UBE2L3: variants seen among roughly 807,000 people sequenced by gnomAD.
UBE2L3 encodes the protein ubiquitin conjugating enzyme E2 L3.
In UBE2L3, 1 loss-of-function variant was observed where a neutral mutation model predicts 17.8. The ratio of observed to expected loss-of-function variants is 0.06; its 90% confidence interval spans 0.02 to 0.27. The LOEUF (loss-of-function observed/expected upper bound fraction) is 0.27. Ranked by LOEUF, UBE2L3 falls within the 10% of genes least tolerant of loss-of-function variation. The pLI is 1.00. For synonymous variants in UBE2L3, 44 were observed against 68.5 expected (o/e 0.64, Z 1.76); for missense variants, 40 against 192.6 (o/e 0.21, Z 4.69).
rs540590638 is a variant in UBE2L3 at position 21,562,179 on chromosome 22, G to C, written c.201+12529G>C. Reference sequence around the variant, plus strand: ...AGCTCCTTGGGGGCAGGTGGTGCCTGTGTACCTCTTTTTTTTTTCTTTTTT... The same window carrying C: ...AGCTCCTTGGGGGCAGGTGGTGCCTCTGTACCTCTTTTTTTTTTCTTTTTT... On this transcript the variant is annotated intron_variant, in intron 1 of 3. Coordinates refer to the UBE2L3 transcript ENST00000458578. 8.7e-5 allele frequency among the ~76,000 whole-genome samples: 13 copies of C among 149,230 alleles called. No homozygotes were observed. In the South Asian group the frequency reaches 2.5e-3, roughly 29 times the overall value.
At chr22:21,612,379 G>A (rs1213683285) in intron 3 of UBE2L3, among the ~76,000 whole-genome samples, 1 of 152,132 alleles carries the variant, frequency 6.6e-6, no homozygotes, top group African/African-American at 2.4e-5. Context: ...AGGCTGGAGT[G>A]CAGTGGCGCG....
At chr22:21,577,551 C>T (rs746543152) in intron 1 of UBE2L3, among the ~76,000 whole-genome samples, 35 of 152,212 alleles carry the variant, frequency 2.3e-4, no homozygotes, top group Non-Finnish European at 4.6e-4. Flanking sequence ...CCAGTGGCCT[C>T]TGTTTACAGA....
chr22:21,573,661 C>T (rs972986802), intron 1 of UBE2L3, among the ~76,000 whole-genome samples: 13 of 152,242 alleles, frequency 8.5e-5, no homozygotes, highest in South Asian at 6.2e-4. Context: ...ACTGGGTGGC[C>T]AGTGAGGTTG....
chr22:21,556,420 T>A (rs2148388434), intron 1 of UBE2L3, among the ~76,000 whole-genome samples: 1 of 152,356 alleles, frequency 6.6e-6, no homozygotes, highest in East Asian at 1.9e-4. Flanking sequence ...AAAATAAATT[T>A]TAAAATTGTT....
intron 1 of UBE2L3, among the ~76,000 whole-genome samples, chr22:21,576,538 T>G (rs1927307635): frequency 6.6e-6 from 1 of 152,012 alleles, no homozygotes; most frequent in Non-Finnish European, 1.5e-5. Context: ...GACCTTATGA[T>G]CCTCCTGCCT....
In UBE2L3 at chr22:21,567,720, G is replaced by A. The variant is rs1490897492; in HGVS notation, c.-25G>A. On this transcript the variant is annotated 5_prime_UTR_variant, in exon 1 of 4. Coordinates refer to ENST00000342192, the MANE Select transcript of UBE2L3 (RefSeq NM_003347.4). ...GCCCGGCCGGCCGCGATGCATTCTG[G>A]GGAAGGAGCAGCACCAAATCCAAGA... 13 of 1,577,128 alleles carry A rather than the reference G, an allele frequency of 8.2e-6. No individual in the cohort carries two copies. Among genetic ancestry groups the A allele is most frequent in the Non-Finnish European group, 1.1e-5 (13 of 1,162,816 alleles).
intron 1 of UBE2L3, among the ~76,000 whole-genome samples, chr22:21,583,431 A>G (rs1927753805): frequency 1.3e-5 from 2 of 152,158 alleles, no homozygotes; most frequent in African/African-American, 4.8e-5. Flanking sequence ...ACAGATATAA[A>G]ATGACACAGT....
At chr22:21,575,868 C>T (rs543245409) in intron 1 of UBE2L3, among the ~76,000 whole-genome samples, 1 of 151,892 alleles carries the variant, frequency 6.6e-6, no homozygotes, top group South Asian at 2.1e-4. Flanking sequence ...TCTCGAACTC[C>T]TGCCCTCAGG....
chr22:21,567,738 A>G lies in UBE2L3; in HGVS notation c.-7A>G, dbSNP rs772452886. 6.3e-7 allele frequency: 1 copy of G among 1,581,572 alleles called. No individual in the cohort carries two copies. Among genetic ancestry groups the G allele is most frequent in the Non-Finnish European group, 8.6e-7 (1 of 1,165,340 alleles). The stretch of plus-strand genomic sequence containing the variant: ...CATTCTGGGGAAGGAGCAGCACCAA[A>G]TCCAAGATGGCGGCCAGCAGGAGGC... On this transcript the variant is annotated 5_prime_UTR_variant, in exon 1 of 4. Coordinates refer to ENST00000342192, the MANE Select transcript of UBE2L3 (RefSeq NM_003347.4).
rs760753068 is a variant in UBE2L3 at position 21,611,006 on chromosome 22, T to C, written c.273T>C (p.Ser91=). The C allele has an allele frequency of 6.2e-7, 1 of 1,610,250 alleles. No individual in the cohort carries two copies. The change falls in exon 3 of 4, where the codon AGT becomes AGC. Residue 91 remains serine, a synonymous_variant. Coordinates refer to ENST00000342192, the MANE Select transcript of UBE2L3 (RefSeq NM_003347.4). ...GGCAGGTCTGTCTGCCAGTAATTAG[T>C]GCCGAAAACTGGAAGCCAGCAACCA... ...EKGQVCLPVI[S]AENWKPATKT... is the part of the protein sequence containing the mutation.
intron 1 of UBE2L3, among the ~76,000 whole-genome samples, chr22:21,580,450 C>A (rs976753679): frequency 6.6e-6 from 1 of 152,024 alleles, no homozygotes; most frequent in South Asian, 2.1e-4. Context: ...TCTTTTCTTT[C>A]TTCTTTTTAT....
At chr22:21,621,472 T>G in intron 3 of UBE2L3, 43 bp from the exon 4 acceptor site, 1 of 1,541,120 alleles carries the variant, frequency 6.5e-7, no homozygotes, top group Non-Finnish European at 8.7e-7. Context: ...GTGCCATTTC[T>G]GAGACTGTGT....
At chr22:21,608,963 C>T (rs1405564487) in intron 2 of UBE2L3, among the ~76,000 whole-genome samples, 1 of 151,814 alleles carries the variant, frequency 6.6e-6, no homozygotes, top group Non-Finnish European at 1.5e-5. Context: ...GGCGCAATCT[C>T]CACTCACTGC....
chr22:21,568,977 C>T, intron 1 of UBE2L3, among the ~76,000 whole-genome samples: 1 of 152,168 alleles, frequency 6.6e-6, no homozygotes, highest in Non-Finnish European at 1.5e-5. Flanking sequence ...TCAGACCTCT[C>T]CTCATCTCTT....
chr22:21,568,391 C>G (rs1356913823), intron 1 of UBE2L3: 1 of 985,332 alleles, frequency 1.0e-6, no homozygotes, highest in Non-Finnish European at 1.2e-6. Flanking sequence ...AGTTCCAACT[C>G]CAGGAAGGCC....
chr22:21,595,968 C>T (rs953770865), intron 2 of UBE2L3, among the ~76,000 whole-genome samples: 12 of 152,064 alleles, frequency 7.9e-5, no homozygotes, highest in South Asian at 2.1e-4. Context: ...CGGGTTCAAG[C>T]GATTCTCCTG....
At chr22:21,561,278 C>T (rs539592521) in intron 1 of UBE2L3, among the ~76,000 whole-genome samples, 411 of 152,230 alleles carry the variant, frequency 2.7e-3, no homozygotes, top group Admixed American at 0.018. Context: ...GCTGCCTTTG[C>T]ACTCAAAAGG....
chr22:21,616,029 T>C (rs1929753049), intron 3 of UBE2L3, among the ~76,000 whole-genome samples: 1 of 152,200 alleles, frequency 6.6e-6, no homozygotes, highest in Non-Finnish European at 1.5e-5. Context: ...GCATGAGTTA[T>C]AGTGCTGCTG....
chr22:21,568,315 T>C (rs1926758504), intron 1 of UBE2L3: 14 of 985,446 alleles, frequency 1.4e-5, no homozygotes, highest in Non-Finnish European at 1.7e-5. Flanking sequence ...TGTTGGTGGG[T>C]CGTTTGGAAT....
Sources: gnomAD v4.1 joint callset for allele counts (sites outside exome capture counted in the v4.1 genomes callset) on GRCh38, gnomAD v4.1.1 for gene constraint, MANE v1.5 for transcripts, NCBI Gene and HGNC (gene_info 2026-07-23, HGNC 2026-07-21) for gene names.